Variants in NPAS1 observed in about 807,000 individuals in gnomAD.
The protein encoded by NPAS1 is neuronal PAS domain-containing protein 1.
NPAS1 carries 29 observed loss-of-function variants against 49.2 expected under a neutral mutation model. The observed-to-expected ratio is 0.59, with a 90% confidence interval of 0.44 to 0.80. The LOEUF is 0.80. NPAS1 is among the 30% of genes least tolerant of loss of function. The probability of loss-of-function intolerance (pLI) is 0.00; values close to 1 mark genes in which losing one functional copy is unlikely to be tolerated. For missense variants in NPAS1, 825 were observed against 835.5 expected, an observed-to-expected ratio of 0.99 and a Z score of 0.15; for synonymous variants, 408 against 380.4, an observed-to-expected ratio of 1.07 and a Z score of -0.84.
chr19:47,020,154 G>A (rs1269422474), intron 1 of NPAS1, among the ~76,000 whole-genome samples, 157 bp downstream of exon 1: 1 of 151,716 alleles, frequency 6.6e-6, no homozygotes, highest in Non-Finnish European at 1.5e-5. Flanking sequence ...AGAAATCTGG[G>A]GTTGGGAGAC....
Position 47,045,502 on chromosome 19 carries a change from A to G in NPAS1, c.1624A>G (p.Ile542Val). The G allele has an allele frequency of 6.4e-7, 1 of 1,552,404 alleles. No homozygotes were observed. The highest frequency in any genetic ancestry group is 8.7e-7 in the Non-Finnish European group (1 of 1,154,104). ...VVRGLCTPGTIRYGPAELGLV... is the reference protein window; with the variant it reads ...VVRGLCTPGTVRYGPAELGLV... The stretch of plus-strand genomic sequence containing the variant: ...GCGGGGCCTGTGCACACCCGGCACC[A>G]TCCGCTACGGCCCCGCGGAGCTGGG... The change falls in exon 12 of 12, where the codon ATC (isoleucine) becomes GTC (valine). Residue 542 changes from isoleucine to valine, a missense_variant. Ile to Val is a conservative substitution (Grantham distance 29). Coordinates refer to ENST00000602212, the MANE Select transcript of NPAS1 (RefSeq NM_002517.4).
At position 47,021,545 on chromosome 19, in the gene NPAS1, C is replaced by A. The variant is rs2056841161; in HGVS notation, c.123-67C>A. Reference sequence around the variant, plus strand: ...TCCCAAGGCCCCGGGAGGCGGGGCTCGCCCCCAGTTCCCAAGCCCCTGAGC... The same window carrying A: ...TCCCAAGGCCCCGGGAGGCGGGGCTAGCCCCCAGTTCCCAAGCCCCTGAGC... On this transcript the variant is annotated intron_variant, in intron 2 of 11. Coordinates refer to ENST00000602212, the MANE Select transcript of NPAS1 (RefSeq NM_002517.4). This position sits in a 1 kb window ranked among gnomAD's most constrained non-coding sequence, Gnocchi z 5.7. The A allele has an allele frequency of 9.0e-7, 1 of 1,108,768 alleles. No homozygotes were observed. The highest frequency in any genetic ancestry group is 3.0e-5 in the East Asian group (1 of 33,672). The allele number at this position is 1,108,768 out of a possible 1,614,324, so 68.7% of individuals were successfully genotyped here.
At chr19:47,032,916 G>A (rs2056917780) in intron 5 of NPAS1, among the ~76,000 whole-genome samples, 184 bp downstream of exon 5, 1 of 152,166 alleles carries the variant, frequency 6.6e-6, no homozygotes, top group Non-Finnish European at 1.5e-5. Flanking sequence ...CTTGAAGGCA[G>A]AGGAGGGCTA....
chr19:47,023,421 G>T (rs1182237030), intron 3 of NPAS1, among the ~76,000 whole-genome samples: 1 of 152,140 alleles, frequency 6.6e-6, no homozygotes, highest in African/African-American at 2.4e-5. Flanking sequence ...CGACCACGGT[G>T]CCAAGTGGAA....
At chr19:47,034,315 A>AG (rs1568504662) in intron 5 of NPAS1, among the ~76,000 whole-genome samples, 1 of 24,972 alleles carries the variant, frequency 4.0e-5, no homozygotes, top group African/African-American at 1.2e-4. Context: ...ACTCCGTCTC[A>AG]AAAAAAAAAA....
At chr19:47,041,260 G>A (rs1372996342) in intron 10 of NPAS1, 135 bp downstream of exon 10, 15 of 886,050 alleles carry the variant, frequency 1.7e-5, no homozygotes, top group Non-Finnish European at 2.4e-5. Context: ...AGGGGAAGGA[G>A]GGGAGGATGG....
intron 3 of NPAS1, among the ~76,000 whole-genome samples, chr19:47,029,866 A>C (rs1445501383): frequency 6.6e-6 from 1 of 152,250 alleles, no homozygotes; most frequent in Non-Finnish European, 1.5e-5. Context: ...GCTAACTCGT[A>C]TGATAATTCC....
chr19:47,040,847 C>G, intron 9 of NPAS1, 131 bp from the exon 10 acceptor site: 1 of 767,172 alleles, frequency 1.3e-6, no homozygotes, highest in Non-Finnish European at 2.0e-6. Context: ...TCACCTTTTT[C>G]TCTTCTCCCC....
chr19:47,019,839 C>CGAGGTGGGCGCCGA lies in NPAS1; in HGVS notation c.-197_-184dup, dbSNP rs1336295906. ...TCGCGCGTCTCCAAGTCTGCGAGGC[C>CGAGGTGGGCGCCGA]GAGGTGGGCGCCGAGAGCTGGGCGC... On this transcript the variant is annotated 5_prime_UTR_variant, in exon 1 of 12. Transcript: ENST00000602212. 6.8e-6 allele frequency: 2 copies of CGAGGTGGGCGCCGA among 295,438 alleles called. No homozygotes were observed. The highest frequency in any genetic ancestry group is 2.2e-5 in the African/African-American group (1 of 44,812). The allele number at this position is 295,438 out of a possible 1,614,324, so 18.3% of individuals were successfully genotyped here. A position where few individuals can be genotyped will look rare whatever the true frequency, so the allele number is the denominator to read the frequency against.
intron 3 of NPAS1, among the ~76,000 whole-genome samples, chr19:47,027,214 T>C (rs2056876698): frequency 6.6e-6 from 1 of 152,162 alleles, no homozygotes; most frequent in Non-Finnish European, 1.5e-5. Flanking sequence ...CCCCAGCCTC[T>C]TCTCTCCAGG....
At position 47,045,749 on chromosome 19, in the gene NPAS1, C is replaced by T. The variant is rs2057073237; in HGVS notation, c.*98C>T. 8 of 1,143,476 alleles carry T rather than the reference C, an allele frequency of 7.0e-6. No individual in the cohort carries two copies. The South Asian group carries it at 1.4e-4, about 20-fold the overall frequency. The allele number at this position is 1,143,476 out of a possible 1,614,324, so 70.8% of individuals were successfully genotyped here. A position where few individuals can be genotyped will look rare whatever the true frequency, so the allele number is the denominator to read the frequency against. ...CGTAGCCCTGAGAATTAAACGCCGG[C>T]TCTCCCTGCAGTGGTTTGGGCTCCG... On this transcript the variant is annotated 3_prime_UTR_variant, in exon 12 of 12. Transcript: ENST00000602212.
At position 47,036,149 on chromosome 19, in the gene NPAS1, A is replaced by C; in HGVS notation, c.688+20A>C. ...AGATCGGTAATTCTAAGGGCTCCTA[A>C]AGAATGAAGTCTGAGGGTAGATCGG... On this transcript the variant is annotated intron_variant, in intron 6 of 11. Coordinates refer to ENST00000602212, the MANE Select transcript of NPAS1 (RefSeq NM_002517.4). The C allele has an allele frequency of 6.4e-7, 1 of 1,550,990 alleles. No individual in the cohort carries two copies. The highest frequency in any genetic ancestry group is 8.7e-7 in the Non-Finnish European group (1 of 1,147,482).
Position 47,021,486 on chromosome 19 carries a change from AG to A in NPAS1, c.123-125del. ...CACTCCGGTCTGCTCCCACCTCCAG[AG>A]ATGTGGAATCCACTCCCAACGTCCC... is the stretch of plus-strand genomic sequence containing the variant. On this transcript the variant is annotated intron_variant, in intron 2 of 11. Transcript: ENST00000602212. The surrounding 1 kb of genome is among the most constrained non-coding windows in gnomAD (Gnocchi z 5.7). The A allele has an allele frequency of 1.6e-6, 1 of 628,568 alleles. No homozygotes were observed. Among genetic ancestry groups the A allele is most frequent in the Non-Finnish European group, 2.6e-6 (1 of 384,406 alleles). 38.9% of individuals were successfully genotyped at this position (628,568 alleles called of 1,614,324 possible). A position where few individuals can be genotyped will look rare whatever the true frequency, so the allele number is the denominator to read the frequency against.
In NPAS1 at chr19:47,045,244, C is replaced by T. The variant is rs1183061114; in HGVS notation, c.1366C>T (p.Pro456Ser). 1.1e-5 allele frequency: 18 copies of T among 1,613,858 alleles called. No homozygotes were observed. The highest frequency in any genetic ancestry group is 1.5e-5 in the Non-Finnish European group (18 of 1,179,992). Reference protein sequence around the residue: ...KQAAPAENEAPQTQGKRIKVE... With the variant: ...KQAAPAENEASQTQGKRIKVE... ...GGCTGCCCCAGCGGAGAACGAGGCC[C>T]CCCAGACCCAGGGCAAACGCATCAA... The change falls in exon 12 of 12, where the codon CCC becomes TCC. Residue 456 changes from proline to serine, a missense_variant. Pro to Ser is a moderately conservative substitution (Grantham distance 74). Coordinates refer to ENST00000602212, the MANE Select transcript of NPAS1 (RefSeq NM_002517.4).
chr19:47,031,839 T>A (rs2056908045), intron 3 of NPAS1, among the ~76,000 whole-genome samples: 1 of 152,090 alleles, frequency 6.6e-6, no homozygotes, highest in Admixed American at 6.6e-5. Context: ...TGTTGGTTTC[T>A]TATTTATTTA....
chr19:47,044,955 C>G (rs1454615659), intron 11 of NPAS1, among the ~76,000 whole-genome samples: 1 of 152,052 alleles, frequency 6.6e-6, no homozygotes, highest in African/African-American at 2.4e-5. Flanking sequence ...GCTTGAACCC[C>G]AGAGGCGGAG....
chr19:47,032,418 C>A, intron 4 of NPAS1, 67 bp downstream of exon 4: 1 of 1,499,970 alleles, frequency 6.7e-7, no homozygotes, highest in Non-Finnish European at 9.3e-7. Context: ...TGGAGAACAG[C>A]AGCCTCTTCA....
chr19:47,041,560 G>C (rs866406160), intron 10 of NPAS1, among the ~76,000 whole-genome samples: 1 of 152,188 alleles, frequency 6.6e-6, no homozygotes, highest in Non-Finnish European at 1.5e-5. Flanking sequence ...CCTTGGGCTG[G>C]AGTAGAAAGC....
chr19:47,042,739 T>C (rs2057034402), intron 10 of NPAS1, 71 bp from the exon 11 acceptor site: 1 of 1,301,616 alleles, frequency 7.7e-7, no homozygotes. Flanking sequence ...TGCCACAAGT[T>C]GGGTAAAGCA....
Sources: gnomAD v4.1 joint callset for allele counts (sites outside exome capture counted in the v4.1 genomes callset) on GRCh38, gnomAD v4.1.1 for gene constraint, Gnocchi (gnomAD v3.1) non-coding constraint, MANE v1.5 for transcripts, NCBI Gene and HGNC (gene_info 2026-07-23, HGNC 2026-07-21) for gene names.